The following RYR3 variants were observed in gnomAD, a reference collection of about 807,000 sequenced individuals.
RYR3 encodes the protein ryanodine receptor 3, also known as brain ryanodine receptor-calcium release channel.
A neutral mutation model predicts 584.3 loss-of-function variants in RYR3; 207 were observed. The observed-to-expected ratio is 0.35, with a 90% CI of 0.32 to 0.40. The LOEUF (loss-of-function observed/expected upper bound fraction) is 0.40. Ranked by LOEUF, RYR3 falls within the 10% of genes least tolerant of loss-of-function variation. RYR3 has a pLI of 1.00. For missense variants in RYR3, 5,616 were observed against 6,089.2 expected, an observed-to-expected ratio of 0.92 and a Z score of 2.59; for synonymous variants, 2,416 against 2,248.5, an observed-to-expected ratio of 1.07 and a Z score of -2.11.
intron 91 of RYR3, among the ~76,000 whole-genome samples, chr15:33,843,030 C>A (rs2078473826): frequency 6.6e-6 from 1 of 151,948 alleles, no homozygotes; most frequent in Non-Finnish European, 1.5e-5. Flanking sequence ...GTTAAGAATG[C>A]CAGGGTTGGC....
intron 18 of RYR3, among the ~76,000 whole-genome samples, chr15:33,607,541 C>T (rs1408116421): frequency 6.6e-6 from 1 of 152,102 alleles, no homozygotes; most frequent in Non-Finnish European, 1.5e-5. Flanking sequence ...CTCTCTGAAA[C>T]AAGTTTGATT....
intron 10 of RYR3, among the ~76,000 whole-genome samples, chr15:33,559,809 A>C (rs1472736537): frequency 1.3e-5 from 2 of 152,206 alleles, no homozygotes; most frequent in Non-Finnish European, 2.9e-5. Context: ...GAAATACTGT[A>C]ATATACAGAA....
chr15:33,425,637 ATTTTTT>A (rs68182512), intron 1 of RYR3, among the ~76,000 whole-genome samples: 13 of 121,814 alleles, frequency 1.1e-4, no homozygotes, highest in African/African-American at 4.3e-4. Context: ...GAGACTCACA[ATTTTTT>A]TTTTTTTTTT....
At chr15:33,754,563 G>T (rs1458098717) in intron 57 of RYR3, among the ~76,000 whole-genome samples, 2 of 152,124 alleles carry the variant, frequency 1.3e-5, no homozygotes, top group Non-Finnish European at 2.9e-5. Context: ...CTCCCAGTGA[G>T]ACCAACCCTG....
Position 33,785,651 on chromosome 15 carries a change from C to G in RYR3, c.9269-11C>G. On this transcript the variant is annotated splice_polypyrimidine_tract_variant and intron_variant, in intron 65 of 103. Coordinates refer to ENST00000634891, the MANE Select transcript of RYR3 (RefSeq NM_001036.6). ...TTGAATTTCTGTCCCTTTATTCTTC[C>G]TCTCAATCAGTTCTGGGGATGCCAG... is the stretch of plus-strand genomic sequence containing the variant. 1 of 1,549,432 alleles carries G rather than the reference C, an allele frequency of 6.5e-7. No individual in the cohort carries two copies. The highest frequency in any genetic ancestry group is 1.9e-5 in the Admixed American group (1 of 52,030).
chr15:33,767,697 T>G (rs1478974501), intron 60 of RYR3, among the ~76,000 whole-genome samples: 1 of 152,186 alleles, frequency 6.6e-6, no homozygotes, highest in African/African-American at 2.4e-5. Flanking sequence ...CCGTGGCCTA[T>G]CCAGGTGGCT....
chr15:33,559,266 C>T (rs768714446), intron 10 of RYR3, among the ~76,000 whole-genome samples: 3 of 152,214 alleles, frequency 2.0e-5, no homozygotes. Flanking sequence ...AGGTATCCTC[C>T]AGCTTTGGCT....
intron 1 of RYR3, among the ~76,000 whole-genome samples, chr15:33,455,467 TGA>T (rs2047473184): frequency 6.6e-6 from 1 of 152,036 alleles, no homozygotes; most frequent in African/African-American, 2.4e-5. Flanking sequence ...AGAGGCTGAA[TGA>T]GAGGATGGGA....
At chr15:33,671,911 T>A (rs2063870221) in intron 38 of RYR3, among the ~76,000 whole-genome samples, 1 of 149,080 alleles carries the variant, frequency 6.7e-6, no homozygotes, top group South Asian at 2.2e-4. Context: ...ACCTCACGGT[T>A]CAAGCGATTC....
chr15:33,835,316 C>CGTT (rs2077969618), intron 87 of RYR3, among the ~76,000 whole-genome samples: 1 of 234 alleles, frequency 4.3e-3, no homozygotes, highest in Admixed American at 0.083. Context: ...ACCAACCTAC[C>CGTT]CTTATTATTG....
rs556632224 is a variant in RYR3 at position 33,829,144 on chromosome 15, C to A, written c.11335-1819C>A. On this transcript the variant is annotated intron_variant, in intron 85 of 103. Transcript: ENST00000634891. Reference sequence around the variant, plus strand: ...TTACAGCATGATTTACTATTTTAAGCCCACTGTTGACACCAACTGCTCAGA... The same window carrying A: ...TTACAGCATGATTTACTATTTTAAGACCACTGTTGACACCAACTGCTCAGA... Among the ~76,000 whole-genome samples the A allele has an allele frequency of 2.2e-4, 33 of 151,738 alleles. 1 individual carries two copies. Among genetic ancestry groups the A allele is most frequent in the African/African-American group, 7.5e-4 (31 of 41,304 alleles).
intron 43 of RYR3, among the ~76,000 whole-genome samples, chr15:33,719,634 T>C (rs368138534): frequency 1.4e-4 from 22 of 152,368 alleles, no homozygotes; most frequent in African/African-American, 4.6e-4. Context: ...TGATAAGTAC[T>C]GGAGGCCAAA....
intron 9 of RYR3, 53 bp from the exon 10 acceptor site, chr15:33,550,106 GA>G: frequency 6.4e-7 from 1 of 1,570,920 alleles, no homozygotes; most frequent in South Asian, 1.2e-5. Context: ...GATAAATACT[GA>G]AAAGGACTTA....
At position 33,484,777 on chromosome 15, in the gene RYR3, G is replaced by A. The variant is rs577891230; in HGVS notation, c.171+11239G>A. Among the ~76,000 whole-genome samples, 5 of 152,288 alleles carry A rather than the reference G, an allele frequency of 3.3e-5. No individual in the cohort carries two copies. The South Asian group carries it at 1.0e-3, about 32-fold the overall frequency. On this transcript the variant is annotated intron_variant, in intron 2 of 103. Coordinates refer to ENST00000634891, the MANE Select transcript of RYR3 (RefSeq NM_001036.6). ...GAGGAGGGATAAAGGAAGACAGAGG[G>A]AGGAGATGGAATTTATGAACTAAAT...
intron 61 of RYR3, 79 bp downstream of exon 61, chr15:33,768,786 C>T (rs2152883159): frequency 7.2e-7 from 1 of 1,385,250 alleles, no homozygotes; most frequent in Non-Finnish European, 1.0e-6. Context: ...TTGTGTCTTC[C>T]TCAGACAACC....
At chr15:33,814,310 G>A (rs1455043748) in intron 74 of RYR3, among the ~76,000 whole-genome samples, 1 of 151,974 alleles carries the variant, frequency 6.6e-6, no homozygotes, top group Non-Finnish European at 1.5e-5. Flanking sequence ...TCAGGTCTTG[G>A]GTCAATAAAC....
At chr15:33,446,220 C>T (rs1051363048) in intron 1 of RYR3, among the ~76,000 whole-genome samples, 10 of 152,266 alleles carry the variant, frequency 6.6e-5, no homozygotes, top group South Asian at 2.1e-4. Context: ...GTGTTCTCCT[C>T]GCAAGGACCA....
intron 1 of RYR3, among the ~76,000 whole-genome samples, chr15:33,403,401 C>G (rs557311957): frequency 2.0e-5 from 3 of 152,164 alleles, no homozygotes; most frequent in Non-Finnish European, 4.4e-5. Flanking sequence ...TCACAGTATA[C>G]AGAGAAGTGC....
At position 33,707,015 on chromosome 15, in the gene RYR3, C is replaced by T. The variant is rs1484536675; in HGVS notation, c.6580C>T (p.Arg2194Cys). The change falls in exon 43 of 104, where the codon CGC becomes TGC. Residue 2194 changes from arginine to cysteine, a missense_variant. Arg to Cys is a radical substitution (Grantham distance 180). Coordinates refer to ENST00000634891, the MANE Select transcript of RYR3 (RefSeq NM_001036.6). ...CGGCTGGAACCCCATTGAAGGGGAA[C>T]GCTACCTGTCCTTCCTGAGGTTTGC... ...DVGWNPIEGE[R>C]YLSFLRFAVF... The T allele has an allele frequency of 5.6e-6, 9 of 1,613,870 alleles. No homozygotes were observed. The highest frequency in any genetic ancestry group is 1.3e-5 in the African/African-American group (1 of 74,930).
Sources: gnomAD v4.1 joint callset for allele counts (sites outside exome capture counted in the v4.1 genomes callset) on GRCh38, gnomAD v4.1.1 for gene constraint, MANE v1.5 for transcripts, NCBI Gene and HGNC (gene_info 2026-07-23, HGNC 2026-07-21) for gene names.